CREBBP: variants seen among roughly 807,000 people sequenced by gnomAD.
CREBBP encodes CREB binding lysine acetyltransferase.
Under a neutral mutation model 265.0 loss-of-function variants are expected in CREBBP, and 19 were observed. The observed-to-expected ratio is 0.07, with a 90% CI of 0.05 to 0.11. CREBBP has a LOEUF of 0.11. Among genes scored for constraint, CREBBP ranks in the 10% least tolerant of loss-of-function variants. The pLI, the probability that CREBBP is intolerant of heterozygous loss-of-function variation, is 1.00. For missense variants in CREBBP, 2,525 were observed against 3,219.0 expected (o/e 0.78, Z 5.22); for synonymous variants, 1,457 against 1,223.7 (o/e 1.19, Z -3.98).
chr16:3,771,802 CT>C lies in CREBBP; in HGVS notation c.2464-817del, dbSNP rs34195127. ...ACTTGGAATGGCACTCAATTTAAAA[CT>C]TTTTTTTTTTTTTTTTAAAAAAAAA... On this transcript the variant is annotated intron_variant, in intron 13 of 30. Coordinates refer to ENST00000262367, the MANE Select transcript of CREBBP (RefSeq NM_004380.3). Among the ~76,000 whole-genome samples, 1,043 of 131,796 alleles carry C rather than the reference CT, an allele frequency of 7.9e-3. 5 individuals are homozygous for C. Among genetic ancestry groups the C allele is most frequent in the African/African-American group, 0.017 (568 of 33,208 alleles). 86.5% of individuals were successfully genotyped at this position (131,796 alleles called of 152,430 possible).
At chr16:3,834,183 T>C (rs1038425228) in intron 2 of CREBBP, among the ~76,000 whole-genome samples, 21 of 152,186 alleles carry the variant, frequency 1.4e-4, no homozygotes, top group South Asian at 4.1e-4. Context: ...TAAAATGATA[T>C]AGACACTTTG....
intron 2 of CREBBP, among the ~76,000 whole-genome samples, chr16:3,820,529 A>C (rs1470959438): frequency 1.3e-5 from 2 of 152,204 alleles, no homozygotes; most frequent in Non-Finnish European, 2.9e-5. Flanking sequence ...ATAAGTCCTA[A>C]CTGGAAGACT....
intron 3 of CREBBP, among the ~76,000 whole-genome samples, chr16:3,794,558 A>C (rs903837692): frequency 6.6e-6 from 1 of 152,158 alleles, no homozygotes; most frequent in Non-Finnish European, 1.5e-5. Context: ...GTGCAATGGG[A>C]AATGCATTCT....
intron 3 of CREBBP, among the ~76,000 whole-genome samples, chr16:3,800,328 G>C (rs772294566): frequency 3.9e-5 from 6 of 152,052 alleles, no homozygotes; most frequent in South Asian, 2.1e-4. Context: ...CATGTTGTTC[G>C]AGCTGGTCTT....
At chr16:3,812,007 C>T (rs1426573866) in intron 2 of CREBBP, among the ~76,000 whole-genome samples, 2 of 151,960 alleles carry the variant, frequency 1.3e-5, no homozygotes, top group Non-Finnish European at 2.9e-5. Flanking sequence ...GCACCCTTAA[C>T]CCCTGAGTTG....
intron 19 of CREBBP, among the ~76,000 whole-genome samples, chr16:3,753,558 T>A (rs2052522091): frequency 6.6e-6 from 1 of 151,290 alleles, no homozygotes; most frequent in Non-Finnish European, 1.5e-5. Context: ...AAATATGTAT[T>A]TTTTTTTTCC....
chr16:3,879,961 C>G lies in CREBBP; in HGVS notation c.-45G>C, dbSNP rs536033987. On this transcript the variant is annotated 5_prime_UTR_variant, in exon 1 of 31. Coordinates refer to ENST00000262367, the MANE Select transcript of CREBBP (RefSeq NM_004380.3). ...CAGCCCCGGGCACGGGCGGCCGGGCCGGCGAGGGCCCGGACGGGGGTCGGG... is the reference window on the plus strand; with the variant it reads ...CAGCCCCGGGCACGGGCGGCCGGGCGGGCGAGGGCCCGGACGGGGGTCGGG... 4 of 1,572,230 alleles carry G rather than the reference C, an allele frequency of 2.5e-6. No homozygotes were observed. The highest frequency in any genetic ancestry group is 3.5e-6 in the Non-Finnish European group (4 of 1,155,744).
intron 16 of CREBBP, among the ~76,000 whole-genome samples, chr16:3,759,385 T>TC (rs1392174034): frequency 1.3e-5 from 2 of 152,036 alleles, no homozygotes; most frequent in Non-Finnish European, 2.9e-5. Context: ...GGTCAGGAGT[T>TC]CAAGACCAGC....
chr16:3,868,904 G>A (rs1444711665), intron 1 of CREBBP, among the ~76,000 whole-genome samples: 1 of 152,160 alleles, frequency 6.6e-6, no homozygotes, highest in Non-Finnish European at 1.5e-5. Flanking sequence ...AAAGAATGAA[G>A]TGGTAGGAGT....
intron 3 of CREBBP, among the ~76,000 whole-genome samples, chr16:3,800,146 G>C (rs1318175751): frequency 6.6e-6 from 1 of 152,030 alleles, no homozygotes; most frequent in Non-Finnish European, 1.5e-5. Flanking sequence ...TTGGAGACAG[G>C]GTCTCACTGC....
intron 11 of CREBBP, 88 bp downstream of exon 11, chr16:3,777,525 A>C (rs1461884742): frequency 4.4e-6 from 6 of 1,364,682 alleles, no homozygotes; most frequent in South Asian, 1.2e-5. Flanking sequence ...GGTTAGAAAG[A>C]AATATACAGG....
rs180933361 is a variant in CREBBP at position 3,733,645 on chromosome 16, G to A, written c.4729-1708C>T. On this transcript the variant is annotated intron_variant, in intron 28 of 30. Coordinates refer to ENST00000262367, the MANE Select transcript of CREBBP (RefSeq NM_004380.3). ...TTTTTGTGTCAGCCTTAAAACAAAGGAAGCCTATTTTTTTTGAGATGGAGT... is the reference window on the plus strand; with the variant it reads ...TTTTTGTGTCAGCCTTAAAACAAAGAAAGCCTATTTTTTTTGAGATGGAGT... 1.3e-3 allele frequency among the ~76,000 whole-genome samples: 205 copies of A among 152,190 alleles called. 1 individual carries two copies. Among genetic ancestry groups the A allele is most frequent in the African/African-American group, 4.8e-3 (198 of 41,518 alleles).
chr16:3,836,473 T>C (rs1373723414), intron 2 of CREBBP, among the ~76,000 whole-genome samples: 1 of 150,470 alleles, frequency 6.6e-6, no homozygotes, highest in Non-Finnish European at 1.5e-5. Context: ...AAAAAGAAAT[T>C]AGCAGTAATT....
At chr16:3,838,876 C>T (rs1349835815) in intron 2 of CREBBP, among the ~76,000 whole-genome samples, 4 of 152,128 alleles carry the variant, frequency 2.6e-5, no homozygotes, top group East Asian at 1.9e-4. Context: ...AAAATGTTTT[C>T]GGAAAACATT....
chr16:3,770,238 G>A (rs1284751575), intron 14 of CREBBP, among the ~76,000 whole-genome samples: 1 of 152,080 alleles, frequency 6.6e-6, no homozygotes, highest in Non-Finnish European at 1.5e-5. Context: ...CTGGAGTACA[G>A]TGGCGTGATC....
chr16:3,848,603 T>C (rs1162967816), intron 2 of CREBBP, among the ~76,000 whole-genome samples: 1 of 152,178 alleles, frequency 6.6e-6, no homozygotes, highest in Non-Finnish European at 1.5e-5. Context: ...TCCTCAGTAA[T>C]TGTTAAGATT....
At chr16:3,852,966 CAAA>C (rs1332391780) in intron 1 of CREBBP, among the ~76,000 whole-genome samples, 5 of 115,758 alleles carry the variant, frequency 4.3e-5, no homozygotes, top group African/African-American at 6.3e-5. Context: ...CTGTAGCATC[CAAA>C]AAAAAAAAAA....
At chr16:3,814,435 T>A (rs1340520208) in intron 2 of CREBBP, among the ~76,000 whole-genome samples, 2 of 152,086 alleles carry the variant, frequency 1.3e-5, no homozygotes, top group African/African-American at 4.8e-5. Flanking sequence ...TTGTATTTTT[T>A]AGTAGAGACA....
intron 2 of CREBBP, among the ~76,000 whole-genome samples, chr16:3,826,518 C>A (rs973311876): frequency 4.6e-5 from 7 of 152,082 alleles, no homozygotes; most frequent in Admixed American, 6.6e-5. Context: ...GTAAAGTCAC[C>A]ATGACACAAC....
Sources: allele counts gnomAD v4.1 joint callset (sites outside exome capture counted in the v4.1 genomes callset), GRCh38; gene constraint gnomAD v4.1.1; transcripts MANE v1.5; gene names NCBI Gene and HGNC (gene_info 2026-07-23, HGNC 2026-07-21).